The following FANCA variants were observed in gnomAD, a reference collection of about 807,000 sequenced individuals.
FANCA encodes the protein Fanconi anemia group A protein.
In FANCA, 236 loss-of-function variants were observed where a neutral mutation model predicts 194.3. That is an observed-to-expected ratio of 1.21 (90% confidence interval 1.09 to 1.35). The LOEUF is 1.35. FANCA is among the 40% of genes most tolerant of loss of function. The probability of loss-of-function intolerance (pLI) is 0.00; values close to 1 mark genes in which losing one functional copy is unlikely to be tolerated. For synonymous variants in FANCA, 1,014 were observed against 715.8 expected (o/e 1.42, Z -6.65); for missense variants, 2,628 against 1,813.9 (o/e 1.45, Z -8.15).
Position 89,765,083 on chromosome 16 carries a change from C to G in FANCA, c.2602-17G>C, listed in dbSNP as rs770627967. The G allele has an allele frequency of 2.2e-5, 36 of 1,613,630 alleles. No individual in the cohort carries two copies. Among genetic ancestry groups the G allele is most frequent in the Non-Finnish European group, 4.2e-6 (5 of 1,179,746 alleles). On this transcript the variant is annotated splice_polypyrimidine_tract_variant and intron_variant, in intron 27 of 42. Transcript: ENST00000389301. ...GAACTGAAACTGAAACAGAGAGTGACCCGGCCGTTTCTTCATTGCGCAAGT... is the reference window on the plus strand; with the variant it reads ...GAACTGAAACTGAAACAGAGAGTGAGCCGGCCGTTTCTTCATTGCGCAAGT...
At chr16:89,763,926 A>AC (rs1555544972) in intron 28 of FANCA, among the ~76,000 whole-genome samples, 17 of 143,716 alleles carry the variant, frequency 1.2e-4, no homozygotes, top group South Asian at 6.7e-4. Context: ...ACCAGAAAAA[A>AC]AAAACAAAAC....
At chr16:89,744,845 G>A (rs1598066977) in intron 36 of FANCA, 114 bp downstream of exon 36, 6 of 956,400 alleles carry the variant, frequency 6.3e-6, no homozygotes, top group South Asian at 4.2e-5. Flanking sequence ...CTGCTCACAC[G>A]AGAGGCTGCC....
rs1014701946 is a variant in FANCA, at chr16:89,738,323, C to T, written c.*278G>A. On this transcript the variant is annotated 3_prime_UTR_variant, in exon 43 of 43. Coordinates refer to ENST00000389301, the MANE Select transcript of FANCA (RefSeq NM_000135.4). ...TGTCAGCCTCACCCTTCGTGTGCAC[C>T]CGCATGGGAGGGTCGGAGGGTGCTG... The T allele has an allele frequency of 6.6e-6, 10 of 1,514,192 alleles. No individual in the cohort carries two copies. Among genetic ancestry groups the T allele is most frequent in the African/African-American group, 5.5e-5 (4 of 72,524 alleles). The allele number at this position is 1,514,192 out of a possible 1,614,324, so 93.8% of individuals were successfully genotyped here.
rs771571485 is a variant in FANCA at position 89,782,993 on chromosome 16, G to A, written c.1566+14C>T. 3.1e-6 allele frequency: 5 copies of A among 1,613,292 alleles called. No individual in the cohort carries two copies. In the South Asian group the frequency reaches 3.3e-5, roughly 11 times the overall value. ...GGGACAGGTGTGAGGAGTGGGCATG[G>A]AGGGACAGCTTGCCTTGAGGTCGGC... On this transcript the variant is annotated intron_variant, in intron 16 of 42. Transcript: ENST00000389301.
At chr16:89,798,892 T>G in intron 10 of FANCA, 3 of 1,582,058 alleles carry the variant, frequency 1.9e-6, no homozygotes, top group Admixed American at 1.7e-5. Flanking sequence ...TCACAGTGAG[T>G]GGGACAAACA....
chr16:89,792,797 C>A (rs1040985480), intron 11 of FANCA: 3 of 437,266 alleles, frequency 6.9e-6, no homozygotes, highest in African/African-American at 6.1e-5. Context: ...GGATACAAAG[C>A]AAAAGGGGCA....
intron 7 of FANCA, among the ~76,000 whole-genome samples, chr16:89,804,228 G>A (rs147185174): frequency 6.6e-6 from 1 of 152,260 alleles, no homozygotes; most frequent in African/African-American, 2.4e-5. Flanking sequence ...CTACTGTACA[G>A]ATCAGTTTCT....
intron 6 of FANCA, among the ~76,000 whole-genome samples, chr16:89,807,506 T>C (rs1174699460): frequency 6.6e-6 from 1 of 151,002 alleles, no homozygotes; most frequent in African/African-American, 2.4e-5. Flanking sequence ...TCCCAGCACT[T>C]TGGGAGGCCG....
intron 29 of FANCA, 51 bp from the exon 30 acceptor site, chr16:89,758,756 G>A (rs370265395): frequency 5.2e-5 from 83 of 1,606,764 alleles, no homozygotes; most frequent in South Asian, 9.9e-5. Flanking sequence ...CGTGGCCAGC[G>A]GTTCCCCATA....
chr16:89,753,548 A>G (rs2143177974), intron 30 of FANCA, among the ~76,000 whole-genome samples: 1 of 152,366 alleles, frequency 6.6e-6, no homozygotes, highest in South Asian at 2.1e-4. Flanking sequence ...ATAGATGTAG[A>G]AAAAGCACTT....
At chr16:89,751,963 G>A (rs2038609603) in intron 31 of FANCA, among the ~76,000 whole-genome samples, 175 bp downstream of exon 31, 1 of 151,816 alleles carries the variant, frequency 6.6e-6, no homozygotes, top group Admixed American at 6.6e-5. Flanking sequence ...GTAGAGACGG[G>A]GTCTCATCGT....
Position 89,752,216 on chromosome 16 carries a change from C to T in FANCA, c.2988G>A (p.Arg996=), listed in dbSNP as rs1438504317. The T allele has an allele frequency of 1.2e-6, 2 of 1,613,462 alleles. No homozygotes were observed. The highest frequency in any genetic ancestry group is 1.1e-5 in the South Asian group (1 of 91,074). The part of the protein sequence containing the change: ...NALMDFHQSS[R]SYDHSENSDL... Reference sequence around the variant, plus strand: ...CAGAATTTTCTGAGTGGTCATAACTCCTTGAGCTGAAATGAAAATACAATA... The same window carrying T: ...CAGAATTTTCTGAGTGGTCATAACTTCTTGAGCTGAAATGAAAATACAATA... Residue 996 remains arginine (R), a synonymous_variant, in exon 31 of 43, where the codon AGG becomes AGA. Coordinates refer to ENST00000389301, the MANE Select transcript of FANCA (RefSeq NM_000135.4).
At chr16:89,781,901 G>GA (rs1567627932) in intron 17 of FANCA, among the ~76,000 whole-genome samples, 13 of 146,974 alleles carry the variant, frequency 8.8e-5, no homozygotes, top group African/African-American at 3.0e-4. Context: ...AGGCTACTCG[G>GA]GAGGCTGAGG....
chr16:89,751,200 T>C (rs1035506034), intron 31 of FANCA, among the ~76,000 whole-genome samples: 2 of 152,094 alleles, frequency 1.3e-5, no homozygotes, highest in East Asian at 1.9e-4. Flanking sequence ...GCCGGCTGTA[T>C]TTTTTAAAGA....
At chr16:89,800,415 G>A (rs1317344705) in intron 8 of FANCA, among the ~76,000 whole-genome samples, 2 of 152,222 alleles carry the variant, frequency 1.3e-5, no homozygotes, top group Admixed American at 1.3e-4. Flanking sequence ...AGACTGCAGT[G>A]TAGGCAAAAT....
In FANCA at chr16:89,769,829, G is replaced by A. The variant is rs529177917; in HGVS notation, c.2504+8C>T. 1 of 1,613,988 alleles carries A rather than the reference G, an allele frequency of 6.2e-7. No homozygotes were observed. The highest frequency in any genetic ancestry group is 2.2e-5 in the East Asian group (1 of 44,872). On this transcript the variant is annotated splice_region_variant and intron_variant, in intron 26 of 42. Coordinates refer to ENST00000389301, the MANE Select transcript of FANCA (RefSeq NM_000135.4). ...GAGAGAAGACGCGACTGTGGAAGAA[G>A]AGCTCACTTCAGGCAGAAGAACAAG...
intron 29 of FANCA, among the ~76,000 whole-genome samples, chr16:89,760,022 T>C (rs964665583): frequency 2.6e-5 from 4 of 151,750 alleles, no homozygotes; most frequent in South Asian, 2.1e-4. Context: ...TGTCCGGAAC[T>C]GGGGTGCTCC....
chr16:89,815,821 G>T, intron 2 of FANCA, 56 bp downstream of exon 2: 3 of 1,328,202 alleles, frequency 2.3e-6, no homozygotes, highest in Non-Finnish European at 3.3e-6. Context: ...GCGGTGGCTG[G>T]ACTCAAAAAC....
chr16:89,816,213 G>T (rs914057201), intron 1 of FANCA: 1 of 539,002 alleles, frequency 1.9e-6, no homozygotes, highest in East Asian at 3.4e-5. Flanking sequence ...GCCCGGGGAC[G>T]GCTGGCGAGG....
Sources: allele counts gnomAD v4.1 joint callset (sites outside exome capture counted in the v4.1 genomes callset), GRCh38; gene constraint gnomAD v4.1.1; transcripts MANE v1.5; gene names NCBI Gene and HGNC (gene_info 2026-07-23, HGNC 2026-07-21).